MCF2L: variants seen among roughly 807,000 people sequenced by gnomAD.
MCF2L encodes the protein guanine nucleotide exchange factor DBS.
Under a neutral mutation model 153.4 loss-of-function variants are expected in MCF2L, and 97 were observed. The ratio of observed to expected loss-of-function variants is 0.63; its 90% CI spans 0.54 to 0.75. The LOEUF (loss-of-function observed/expected upper bound fraction) is 0.75. MCF2L is among the 30% of genes least tolerant of loss of function. The pLI, the probability that MCF2L is intolerant of heterozygous loss-of-function variation, is 0.00. For synonymous variants in MCF2L, 659 were observed against 632.2 expected, an observed-to-expected ratio of 1.04 and a Z score of -0.64; for missense variants, 1,347 against 1,495.2, an observed-to-expected ratio of 0.90 and a Z score of 1.64.
In MCF2L at chr13:113,070,036, G is replaced by T. The variant is rs371941142; in HGVS notation, c.882-23G>T. 1.7e-5 allele frequency: 27 copies of T among 1,577,822 alleles called. No homozygotes were observed. In the Admixed American group the frequency reaches 3.8e-4, roughly 22 times the overall value. ...ATGGGGCGCCGTGGGCCACACAGACGGTCAACTCCTCCTCTTTCCCAGGCT... is the reference window on the plus strand; with the variant it reads ...ATGGGGCGCCGTGGGCCACACAGACTGTCAACTCCTCCTCTTTCCCAGGCT... On this transcript the variant is annotated intron_variant, in intron 8 of 29. Coordinates refer to ENST00000535094, the MANE Select transcript of MCF2L (RefSeq NM_001112732.3). This position sits in a 1 kb window ranked among gnomAD's most constrained non-coding sequence, Gnocchi z 5.6.
intron 2 of MCF2L, among the ~76,000 whole-genome samples, chr13:112,921,102 G>A (rs1349481790): frequency 2.0e-5 from 3 of 152,008 alleles, no homozygotes; most frequent in Admixed American, 6.6e-5. Flanking sequence ...GCGTGAATCC[G>A]GGAGGCAGAG....
chr13:113,032,356 G>A (rs923133803), intron 3 of MCF2L, among the ~76,000 whole-genome samples: 5 of 152,194 alleles, frequency 3.3e-5, no homozygotes, highest in East Asian at 1.9e-4. Context: ...AATTTAATAC[G>A]TGTGCATTAA....
chr13:113,038,242 G>T (rs9549647), intron 3 of MCF2L, among the ~76,000 whole-genome samples: 57,497 of 151,750 alleles, frequency 0.38, 11,690 homozygotes, highest in Non-Finnish European at 0.46. Flanking sequence ...GAGGTGGGTG[G>T]ATCACGAGGT....
rs755082560 is a variant in MCF2L, at chr13:113,087,314, A to G, written c.2453A>G (p.Lys818Arg). 2.5e-6 allele frequency: 4 copies of G among 1,613,340 alleles called. No homozygotes were observed. Among genetic ancestry groups the G allele is most frequent in the Admixed American group, 1.7e-5 (1 of 60,032 alleles). The change falls in exon 22 of 30, where the codon AAG (lysine) becomes AGG (arginine). Residue 818 changes from lysine (K) to arginine (R), a missense_variant. Transcript: ENST00000535094. Reference protein sequence around the residue: ...VWTDHKRGHTKVKELARFKPM... With the variant: ...VWTDHKRGHTRVKELARFKPM... ...ACCGACCACAAGAGGGGCCACACCA[A>G]GGTGAAGGAGCTGGCCAGGTTCAAG...
intron 1 of MCF2L, among the ~76,000 whole-genome samples, chr13:112,899,821 C>T (rs2081103305): frequency 1.3e-5 from 2 of 152,220 alleles, no homozygotes; most frequent in South Asian, 4.1e-4. Flanking sequence ...GCCGCGCGTG[C>T]CATCTGCAGC....
intron 3 of MCF2L, among the ~76,000 whole-genome samples, chr13:113,033,588 T>G (rs2085936382): frequency 6.6e-6 from 1 of 152,202 alleles, no homozygotes; most frequent in Non-Finnish European, 1.5e-5. Flanking sequence ...TCTGTGAGAT[T>G]GTGCCCTGTT....
At chr13:113,079,568 G>A (rs1566858633) in intron 15 of MCF2L, among the ~76,000 whole-genome samples, 1 of 152,222 alleles carries the variant, frequency 6.6e-6, no homozygotes, top group East Asian at 1.9e-4. Context: ...TGACAAGCAG[G>A]TGTCCGCAGG....
At chr13:112,910,225 G>A (rs2081216952) in intron 2 of MCF2L, 1 of 152,182 alleles carries the variant, frequency 6.6e-6, no homozygotes, top group South Asian at 2.1e-4. Flanking sequence ...CAAGCCTGCT[G>A]GTAGGAATGC....
chr13:113,057,119 AGTGCTTGGGTGCTGT>A, intron 4 of MCF2L, among the ~76,000 whole-genome samples: 1 of 103,408 alleles, frequency 9.7e-6, no homozygotes, highest in East Asian at 3.3e-4. Flanking sequence ...TTGGGTGCTG[AGTGCTTGGGTGCTGT>A]GTGTTTGGGT....
intron 2 of MCF2L, among the ~76,000 whole-genome samples, chr13:112,937,808 G>T (rs1331892413): frequency 1.3e-5 from 2 of 151,694 alleles, no homozygotes; most frequent in South Asian, 2.1e-4. Flanking sequence ...TGGTTCAGGT[G>T]TGCTCTGAGT....
intron 1 of MCF2L, among the ~76,000 whole-genome samples, chr13:113,008,448 T>C (rs1366718595): frequency 6.6e-6 from 1 of 152,152 alleles, no homozygotes; most frequent in African/African-American, 2.4e-5. Flanking sequence ...TTAATTCTCA[T>C]GGTTAAATTC....
rs745498721 is a variant in MCF2L at position 112,993,006 on chromosome 13, C to T, written c.80-21757C>T. On this transcript the variant is annotated intron_variant, in intron 1 of 29. Coordinates refer to ENST00000535094, the MANE Select transcript of MCF2L (RefSeq NM_001112732.3). This position sits in a 1 kb window ranked among gnomAD's most constrained non-coding sequence, Gnocchi z 4.6. ...CGGCTCAGTCTCTGCCAAACGTGCG[C>T]GGGCATCAGGCAGGAGTCCATGGGC... Among the ~76,000 whole-genome samples, 2 of 152,236 alleles carry T rather than the reference C, an allele frequency of 1.3e-5. No homozygotes were observed. Among genetic ancestry groups the T allele is most frequent in the African/African-American group, 2.4e-5 (1 of 41,464 alleles).
At chr13:113,078,906 C>T (rs759400955) in intron 15 of MCF2L, among the ~76,000 whole-genome samples, 167 bp downstream of exon 15, 4 of 152,194 alleles carry the variant, frequency 2.6e-5, no homozygotes, top group African/African-American at 4.8e-5. Flanking sequence ...TGCCGTGGCT[C>T]GAGCGTGTGT....
At position 113,031,973 on chromosome 13, in the gene MCF2L, CAT is replaced by C. The variant is rs1456183240; in HGVS notation, c.278+7216_278+7217del. ...AACCACACACGTGCGCACACACACA[CAT>C]GCAAGTGCATGCATACCCCCCCACA... On this transcript the variant is annotated intron_variant, in intron 3 of 29. Transcript: ENST00000535094. This position sits in a 1 kb window ranked among gnomAD's most constrained non-coding sequence, Gnocchi z 5.5. Among the ~76,000 whole-genome samples, 14 of 152,184 alleles carry C rather than the reference CAT, an allele frequency of 9.2e-5. No homozygotes were observed. Among genetic ancestry groups the C allele is most frequent in the African/African-American group, 3.4e-4 (14 of 41,436 alleles).
chr13:113,088,720 G>A, intron 25 of MCF2L, 92 bp downstream of exon 25: 1 of 1,324,694 alleles, frequency 7.5e-7, no homozygotes, highest in Non-Finnish European at 1.0e-6. Flanking sequence ...CTGTCAGTGG[G>A]ACCCTGTGGT....
At chr13:113,007,633 G>C (rs1234614725) in intron 1 of MCF2L, among the ~76,000 whole-genome samples, 1 of 152,268 alleles carries the variant, frequency 6.6e-6, no homozygotes, top group South Asian at 2.1e-4. Context: ...GGGGCCGGCT[G>C]TACAGACAGG....
chr13:113,037,078 A>T (rs1348771668), intron 3 of MCF2L, among the ~76,000 whole-genome samples: 1 of 152,128 alleles, frequency 6.6e-6, no homozygotes, highest in Non-Finnish European at 1.5e-5. Flanking sequence ...CAGTGCAGAG[A>T]GGGGCTGGGG....
At chr13:113,024,103 A>G (rs1229224009) in intron 2 of MCF2L, among the ~76,000 whole-genome samples, 1 of 152,116 alleles carries the variant, frequency 6.6e-6, no homozygotes. Flanking sequence ...AGCCTGTGTG[A>G]CTCCAAAGTC....
intron 2 of MCF2L, chr13:112,909,592 C>G (rs1264985742): frequency 4.8e-6 from 2 of 415,542 alleles, no homozygotes; most frequent in Non-Finnish European, 8.7e-6. Flanking sequence ...GAGGATGAAT[C>G]TCTTTGAAGG....
Sources: allele counts gnomAD v4.1 joint callset (sites outside exome capture counted in the v4.1 genomes callset), GRCh38; gene constraint gnomAD v4.1.1; non-coding constraint Gnocchi (gnomAD v3.1); transcripts MANE v1.5; gene names NCBI Gene and HGNC (gene_info 2026-07-23, HGNC 2026-07-21).